Variants in NOL4L observed in about 807,000 individuals in gnomAD.
NOL4L encodes the protein nucleolar protein 4 like.
NOL4L carries 7 observed loss-of-function variants against 64.5 expected under a neutral mutation model. The ratio of observed to expected loss-of-function variants is 0.11; its 90% CI spans 0.06 to 0.20. NOL4L has a LOEUF of 0.20. Ranked by LOEUF, NOL4L falls within the 10% of genes least tolerant of loss-of-function variation. The pLI, the probability that NOL4L is intolerant of heterozygous loss-of-function variation, is 1.00. For missense variants in NOL4L, 680 were observed against 967.1 expected (o/e 0.70, Z 3.94); for synonymous variants, 413 against 401.0 (o/e 1.03, Z -0.36).
intron 4 of NOL4L, among the ~76,000 whole-genome samples, chr20:32,489,611 T>C (rs1448165460): frequency 1.3e-5 from 2 of 152,232 alleles, no homozygotes; most frequent in Non-Finnish European, 2.9e-5. Context: ...TTGTATTATA[T>C]TCTGTTGACC....
chr20:32,497,939 G>A (rs1342816852), intron 4 of NOL4L, among the ~76,000 whole-genome samples: 1 of 152,220 alleles, frequency 6.6e-6, no homozygotes, highest in African/African-American at 2.4e-5. Flanking sequence ...ATGCAGTATT[G>A]CTGCTTATGG....
intron 3 of NOL4L, among the ~76,000 whole-genome samples, chr20:32,518,582 A>G (rs978541787): frequency 6.6e-6 from 1 of 152,064 alleles, no homozygotes; most frequent in Non-Finnish European, 1.5e-5. Context: ...CGCCTCAGAC[A>G]CCCCAGAGCA....
intron 10 of NOL4L, 57 bp from the exon 11 acceptor site, chr20:32,447,873 G>A: frequency 6.6e-7 from 1 of 1,511,934 alleles, no homozygotes; most frequent in Non-Finnish European, 8.8e-7. Flanking sequence ...GCATCTGGGA[G>A]GTGTACCTTC....
intron 1 of NOL4L, among the ~76,000 whole-genome samples, chr20:32,530,294 C>A (rs1291599042): frequency 6.6e-6 from 1 of 152,228 alleles, no homozygotes; most frequent in Non-Finnish European, 1.5e-5. Flanking sequence ...GTAATCCCAG[C>A]ACTTTGGGAG....
chr20:32,535,527 G>C, intron 1 of NOL4L: 30 of 952,552 alleles, frequency 3.1e-5, no homozygotes, highest in Non-Finnish European at 3.8e-5. Flanking sequence ...CTGCCATCTG[G>C]AACAGGCCTC....
At chr20:32,503,687 C>T (rs565194583) in intron 4 of NOL4L, among the ~76,000 whole-genome samples, 21 of 152,276 alleles carry the variant, frequency 1.4e-4, no homozygotes, top group African/African-American at 3.6e-4. Flanking sequence ...AGAGTGGAGA[C>T]GGCAAAGATA....
At chr20:32,520,782 C>CTA (rs1453376891) in intron 3 of NOL4L, 29 bp downstream of exon 3, 1 of 1,426,364 alleles carries the variant, frequency 7.0e-7, no homozygotes, top group Non-Finnish European at 9.7e-7. Flanking sequence ...GGCCCCCGCC[C>CTA]TAGCCCTCCA....
intron 1 of NOL4L, among the ~76,000 whole-genome samples, chr20:32,569,744 T>A (rs1157713301): frequency 6.6e-6 from 1 of 152,122 alleles, no homozygotes; most frequent in Non-Finnish European, 1.5e-5. Flanking sequence ...GGGTACCTGG[T>A]ACTCCCAGCT....
rs1231340239 is a variant in NOL4L, at chr20:32,584,765, C to T, written c.126G>A (p.Lys42=). ...GCTGGTATTTGCTGCGTGTCACCGTCTTGGTTTTGGCCGAGTCGCCGTAGG... is the reference window on the plus strand; with the variant it reads ...GCTGGTATTTGCTGCGTGTCACCGTTTTGGTTTTGGCCGAGTCGCCGTAGG... ...LRTYGDSAKT[K]TVTRSKYQRI... The change falls in exon 1 of 11, where the codon AAG becomes AAA. Residue 42 remains lysine, a synonymous_variant. Coordinates refer to ENST00000621426, the MANE Select transcript of NOL4L (RefSeq NM_001256798.2). The T allele has an allele frequency of 6.5e-7, 1 of 1,545,138 alleles. No homozygotes were observed. The highest frequency in any genetic ancestry group is 8.7e-7 in the Non-Finnish European group (1 of 1,145,546).
intron 1 of NOL4L, chr20:32,536,393 G>A: frequency 4.8e-6 from 4 of 833,648 alleles, no homozygotes; most frequent in Non-Finnish European, 5.8e-6. Context: ...TGGGGCTGGA[G>A]GGGGAGGGGA....
At chr20:32,449,883 G>A (rs1306997653) in intron 10 of NOL4L, 2 of 152,522 alleles carry the variant, frequency 1.3e-5, no homozygotes, top group Non-Finnish European at 1.5e-5. Context: ...AACATGAGCA[G>A]TGGTCCCGGT....
At chr20:32,543,802 A>AC (rs900040592) in intron 1 of NOL4L, among the ~76,000 whole-genome samples, 4 of 151,912 alleles carry the variant, frequency 2.6e-5, no homozygotes, top group African/African-American at 7.3e-5. Context: ...AAAAAAACAA[A>AC]AAAAAAAAGA....
At chr20:32,465,402 G>A (rs1384038669) in intron 5 of NOL4L, among the ~76,000 whole-genome samples, 1 of 152,146 alleles carries the variant, frequency 6.6e-6, no homozygotes, top group Non-Finnish European at 1.5e-5. Flanking sequence ...TGTACTGTGG[G>A]ACAATTCCCT....
chr20:32,509,257 G>A (rs912607198), intron 4 of NOL4L, among the ~76,000 whole-genome samples: 2 of 152,062 alleles, frequency 1.3e-5, no homozygotes, highest in African/African-American at 4.8e-5. Context: ...AGGGATGCCA[G>A]CCGGAATCTC....
chr20:32,483,240 G>T (rs1377707124), intron 4 of NOL4L: 2 of 442,696 alleles, frequency 4.5e-6, no homozygotes, highest in Non-Finnish European at 5.9e-6. Context: ...CCCCAGAACC[G>T]CCCCCAGCCC....
At chr20:32,485,658 C>T in intron 4 of NOL4L, 2 of 434,122 alleles carry the variant, frequency 4.6e-6, no homozygotes, top group South Asian at 1.7e-5. Flanking sequence ...TTTATTTATC[C>T]ACACATGCTG....
chr20:32,456,315 G>A lies in NOL4L; in HGVS notation c.922C>T (p.Pro308Ser), dbSNP rs868230226. 4 of 1,572,562 alleles carry A rather than the reference G, an allele frequency of 2.5e-6. No homozygotes were observed. The Admixed American group carries it at 7.2e-5, about 28-fold the overall frequency. The change falls in exon 6 of 11, where the codon CCT (proline) becomes TCT (serine). Residue 308 changes from proline to serine, a missense_variant. By Grantham distance (74) the Pro-to-Ser change is moderately conservative (BLOSUM62 -1). Transcript: ENST00000621426. ...TTGCCATTCATCTCGGGGAAGGCAGGGTCGCCCTGCGTGCTGCTCGACGTG... is the reference window on the plus strand; with the variant it reads ...TTGCCATTCATCTCGGGGAAGGCAGAGTCGCCCTGCGTGCTGCTCGACGTG... ...PSTSSSTQGDPAFPEMNGNGA... is the reference protein window; with the variant it reads ...PSTSSSTQGDSAFPEMNGNGA...
At chr20:32,558,513 AATG>A (rs977720482) in intron 1 of NOL4L, among the ~76,000 whole-genome samples, 4 of 152,180 alleles carry the variant, frequency 2.6e-5, no homozygotes, top group African/African-American at 9.7e-5. Flanking sequence ...TTGTTTTACC[AATG>A]AAGAAACTGA....
At chr20:32,536,244 G>A in intron 1 of NOL4L, 2 of 985,454 alleles carry the variant, frequency 2.0e-6, no homozygotes, top group East Asian at 1.1e-4. Flanking sequence ...CACCGAAGGG[G>A]GGGTCCTAGG....
Sources: allele counts gnomAD v4.1 joint callset (sites outside exome capture counted in the v4.1 genomes callset), GRCh38; gene constraint gnomAD v4.1.1; transcripts MANE v1.5; gene names NCBI Gene and HGNC (gene_info 2026-07-23, HGNC 2026-07-21).